SGO1: variants seen among roughly 807,000 people sequenced by gnomAD.
SGO1 encodes the protein shugoshin 1, also known as serologically defined breast cancer antigen NY-BR-85.
In SGO1, 39 loss-of-function variants were observed where a neutral mutation model predicts 50.5. The observed-to-expected ratio is 0.77, with a 90% CI of 0.60 to 1.01. The LOEUF (loss-of-function observed/expected upper bound fraction) is 1.01. Ranked by LOEUF, SGO1 falls within the 50% of genes least tolerant of loss-of-function variation. The probability of loss-of-function intolerance (pLI) is 0.00; values close to 1 mark genes in which losing one functional copy is unlikely to be tolerated. For synonymous variants in SGO1, 191 were observed against 205.1 expected, an observed-to-expected ratio of 0.93 and a Z score of 0.59; for missense variants, 638 against 606.0, an observed-to-expected ratio of 1.05 and a Z score of -0.55.
chr3:20,173,840 C>T (rs999912085), intron 6 of SGO1, among the ~76,000 whole-genome samples: 3 of 152,094 alleles, frequency 2.0e-5, no homozygotes, highest in Non-Finnish European at 4.4e-5. Context: ...TTTTAAATCA[C>T]GGTTCCTGTC....
At position 20,170,679 on chromosome 3, in the gene SGO1, A is replaced by G. The variant is rs775543954; in HGVS notation, c.*25T>C. Reference sequence around the variant, plus strand: ...AGCAACAGAAAGAGGTGTAGATTGAATTTAAACAATATCCAACAAAACCTT... The same window carrying G: ...AGCAACAGAAAGAGGTGTAGATTGAGTTTAAACAATATCCAACAAAACCTT... On this transcript the variant is annotated 3_prime_UTR_variant, in exon 8 of 8. Transcript: ENST00000412997. The G allele has an allele frequency of 3.9e-6, 6 of 1,551,004 alleles. No homozygotes were observed. The Admixed American group carries it at 1.4e-4, about 35-fold the overall frequency.
intron 8 of SGO1, among the ~76,000 whole-genome samples, chr3:20,163,376 A>C (rs1042205687): frequency 6.6e-6 from 1 of 152,176 alleles, no homozygotes; most frequent in African/African-American, 2.4e-5. Flanking sequence ...AGTTAGTTCT[A>C]ACAGAACTAA....
At chr3:20,176,228 T>C (rs903440154) in intron 5 of SGO1, among the ~76,000 whole-genome samples, 3 of 152,182 alleles carry the variant, frequency 2.0e-5, no homozygotes, top group Non-Finnish European at 4.4e-5. Context: ...CATCTAGACT[T>C]CTTCATGTGA....
At chr3:20,181,490 A>C (rs1020921172) in intron 3 of SGO1, among the ~76,000 whole-genome samples, 1 of 152,254 alleles carries the variant, frequency 6.6e-6, no homozygotes, top group African/African-American at 2.4e-5. Context: ...CAATTAGTAC[A>C]TAGCAGAAAA....
Position 20,161,544 on chromosome 3 carries a change from A to G in SGO1, c.1565-318T>C, listed in dbSNP as rs113136640. Among the ~76,000 whole-genome samples the G allele has an allele frequency of 2.6e-3, 390 of 152,300 alleles. 1 individual carries two copies. The highest frequency in any genetic ancestry group is 4.8e-3 in the Admixed American group (74 of 15,304). ...GTAGCTAAAAAGATGGAAAATATGA[A>G]AAAGGAGTTAAGAGACACAGGTTAT... On this transcript the variant is annotated intron_variant, in intron 8 of 8. Transcript: ENST00000263753.
At position 20,178,365 on chromosome 3, in the gene SGO1, C is replaced by T. The variant is rs1171498546; in HGVS notation, c.340-18G>A. On this transcript the variant is annotated intron_variant, in intron 3 of 7. Coordinates refer to ENST00000412997, the MANE Select transcript of SGO1 (RefSeq NM_001199251.3). The stretch of plus-strand genomic sequence containing the variant: ...TCCTGGTTCTGTTAATGTATTAAAA[C>T]AAAACACTGTTATAACTGAAGTATT... 1 of 1,543,184 alleles carries T rather than the reference C, an allele frequency of 6.5e-7. No individual in the cohort carries two copies. The highest frequency in any genetic ancestry group is 9.0e-7 in the Non-Finnish European group (1 of 1,116,126).
Position 20,170,522 on chromosome 3 carries a change from T to G in SGO1, c.*182A>C, listed in dbSNP as rs945278587. 23 of 1,197,978 alleles carry G rather than the reference T, an allele frequency of 1.9e-5. No individual in the cohort carries two copies. The highest frequency in any genetic ancestry group is 2.3e-5 in the Non-Finnish European group (22 of 965,704). The allele number at this position is 1,197,978 out of a possible 1,614,324, so 74.2% of individuals were successfully genotyped here. Reference sequence around the variant, plus strand: ...AAAAGAAAAAATAAATTAAATTTATTAAAGTTTTAATACAAAGCATCCCAT... The same window carrying G: ...AAAAGAAAAAATAAATTAAATTTATGAAAGTTTTAATACAAAGCATCCCAT... On this transcript the variant is annotated 3_prime_UTR_variant, in exon 8 of 8. Transcript: ENST00000412997.
chr3:20,170,550 G>C lies in SGO1; in HGVS notation c.*154C>G, dbSNP rs551717211. 2 of 1,262,664 alleles carry C rather than the reference G, an allele frequency of 1.6e-6. No homozygotes were observed. The allele number at this position is 1,262,664 out of a possible 1,614,324, so 78.2% of individuals were successfully genotyped here. On this transcript the variant is annotated 3_prime_UTR_variant, in exon 8 of 8. Coordinates refer to ENST00000412997, the MANE Select transcript of SGO1 (RefSeq NM_001199251.3). ...AGTTTTAATACAAAGCATCCCATTT[G>C]AAGTATAGTTCTGAAGAAATGTTTA... is the stretch of plus-strand genomic sequence containing the variant.
At position 20,183,813 on chromosome 3, in the gene SGO1, G is replaced by A. The variant is rs1286687765; in HGVS notation, c.143-9C>T. Reference sequence around the variant, plus strand: ...CAGTGTAGAAGTGTTGGCTAAAAGAGGATAAAAAAATTTATCAGTTATTAA... The same window carrying A: ...CAGTGTAGAAGTGTTGGCTAAAAGAAGATAAAAAAATTTATCAGTTATTAA... On this transcript the variant is annotated splice_polypyrimidine_tract_variant and intron_variant, in intron 2 of 7. Coordinates refer to ENST00000412997, the MANE Select transcript of SGO1 (RefSeq NM_001199251.3). 6.3e-7 allele frequency: 1 copy of A among 1,599,770 alleles called. No individual in the cohort carries two copies. The highest frequency in any genetic ancestry group is 8.5e-7 in the Non-Finnish European group (1 of 1,176,548).
chr3:20,178,154 G>C (rs1427360249), intron 4 of SGO1, 117 bp downstream of exon 4: 9 of 726,426 alleles, frequency 1.2e-5, no homozygotes, highest in Admixed American at 7.0e-5. Context: ...TCTCAGTAGA[G>C]AAAGCAACAG....
chr3:20,168,214 A>C (rs1252205244), downstream of SGO1, among the ~76,000 whole-genome samples: 2 of 152,232 alleles, frequency 1.3e-5, no homozygotes, highest in Non-Finnish European at 2.9e-5. Context: ...TAAGGATCAA[A>C]GCTAGATCAG....
chr3:20,169,888 G>A lies in SGO1; in HGVS notation c.*816C>T. ...TAAACAACTTAGGGTGTACCCTACT[G>A]TAAATGTCAAATATTTATTTTACTC... is the stretch of plus-strand genomic sequence containing the variant. On this transcript the variant is annotated 3_prime_UTR_variant, in exon 8 of 8. Coordinates refer to ENST00000412997, the MANE Select transcript of SGO1 (RefSeq NM_001199251.3). 1.0e-6 allele frequency: 1 copy of A among 982,064 alleles called. No homozygotes were observed. Among genetic ancestry groups the A allele is most frequent in the Non-Finnish European group, 1.2e-6 (1 of 826,936 alleles). 60.8% of individuals were successfully genotyped at this position (982,064 alleles called of 1,614,324 possible).
At chr3:20,183,004 G>A (rs936256041) in intron 3 of SGO1, among the ~76,000 whole-genome samples, 1 of 151,806 alleles carries the variant, frequency 6.6e-6, no homozygotes, top group Admixed American at 6.5e-5. Flanking sequence ...GGCGACTGAG[G>A]GAGACGCCGT....
chr3:20,176,678 A>G lies in SGO1; in HGVS notation c.417-19T>C. 6.6e-7 allele frequency: 1 copy of G among 1,508,738 alleles called. No homozygotes were observed. The highest frequency in any genetic ancestry group is 9.0e-7 in the Non-Finnish European group (1 of 1,115,864). The allele number at this position is 1,508,738 out of a possible 1,614,324, so 93.5% of individuals were successfully genotyped here. On this transcript the variant is annotated intron_variant, in intron 4 of 7. Coordinates refer to ENST00000412997, the MANE Select transcript of SGO1 (RefSeq NM_001199251.3). ...AATTTGCCTTAGAAAATACCAATGA[A>G]AAACAGAAATTTAACAATTATGTAA...
chr3:20,167,939 AAATG>A (rs1322597097), downstream of SGO1, among the ~76,000 whole-genome samples: 2 of 152,208 alleles, frequency 1.3e-5, no homozygotes, highest in African/African-American at 4.8e-5. Flanking sequence ...TCAAAAGAAG[AAATG>A]AATAAGTCTG....
chr3:20,161,119 T>C (rs773072673), exon 9 of SGO1: 1 of 1,613,884 alleles, frequency 6.2e-7, no homozygotes. Flanking sequence ...CTCAAGCAGA[T>C]GTGGGTTTCA....
intron 6 of SGO1, among the ~76,000 whole-genome samples, chr3:20,172,211 C>T (rs1162993843): frequency 6.6e-6 from 1 of 152,156 alleles, no homozygotes; most frequent in Non-Finnish European, 1.5e-5. Flanking sequence ...CACAGGAGGA[C>T]TTCTTAATGG....
chr3:20,164,086 G>A (rs1700176131), intron 8 of SGO1, among the ~76,000 whole-genome samples: 1 of 152,052 alleles, frequency 6.6e-6, no homozygotes, highest in East Asian at 1.9e-4. Flanking sequence ...TTATGAGGCT[G>A]GTATTATTAC....
chr3:20,162,590 A>G (rs925544972), intron 8 of SGO1, among the ~76,000 whole-genome samples: 9 of 152,188 alleles, frequency 5.9e-5, no homozygotes, highest in Non-Finnish European at 1.2e-4. Flanking sequence ...CAAGATATAC[A>G]AGGCAGGAAA....
Sources: allele counts gnomAD v4.1 joint callset (sites outside exome capture counted in the v4.1 genomes callset), GRCh38; gene constraint gnomAD v4.1.1; transcripts MANE v1.5; gene names NCBI Gene and HGNC (gene_info 2026-07-23, HGNC 2026-07-21).